Variants in ELAVL4 observed in about 807,000 individuals in gnomAD.
ELAVL4 encodes ELAV like RNA binding protein 4.
ELAVL4 carries 1 observed loss-of-function variant against 35.6 expected under a neutral mutation model. The observed-to-expected ratio is 0.03, with a 90% CI of 0.01 to 0.13. The LOEUF is 0.13. Among genes scored for constraint, ELAVL4 ranks in the 10% least tolerant of loss-of-function variants. The pLI is 1.00. For synonymous variants in ELAVL4, 156 were observed against 171.0 expected, an observed-to-expected ratio of 0.91 and a Z score of 0.69; for missense variants, 267 against 464.9, an observed-to-expected ratio of 0.57 and a Z score of 3.91.
chr1:50,065,877 T>C (rs1664237437), intron 1 of ELAVL4, among the ~76,000 whole-genome samples: 2 of 152,154 alleles, frequency 1.3e-5, no homozygotes, highest in African/African-American at 4.8e-5. Context: ...CTCACTGGAC[T>C]ATCTTCCATG....
intron 1 of ELAVL4, among the ~76,000 whole-genome samples, chr1:50,094,819 A>G (rs1572165467): frequency 6.6e-6 from 1 of 152,190 alleles, no homozygotes; most frequent in East Asian, 1.9e-4. Flanking sequence ...AATCCCAGCT[A>G]CTGGGGAGGC....
chr1:50,170,384 C>G (rs1018937581), intron 2 of ELAVL4, among the ~76,000 whole-genome samples: 1 of 152,166 alleles, frequency 6.6e-6, no homozygotes, highest in African/African-American at 2.4e-5. Flanking sequence ...ATTCTGAGAG[C>G]TTTCCCATCA....
chr1:50,074,481 C>A (rs1163072612), intron 1 of ELAVL4, among the ~76,000 whole-genome samples: 5 of 152,204 alleles, frequency 3.3e-5, no homozygotes, highest in Admixed American at 3.3e-4. Context: ...TTCAGGTCAG[C>A]AACCTTTTGT....
At chr1:50,077,506 T>A (rs573692732) in intron 1 of ELAVL4, among the ~76,000 whole-genome samples, 1 of 152,124 alleles carries the variant, frequency 6.6e-6, no homozygotes, top group Non-Finnish European at 1.5e-5. Flanking sequence ...GGCAAATGAC[T>A]TTTTTCCGTC....
At chr1:50,197,648 C>T in intron 6 of ELAVL4, 181 bp downstream of exon 6, 2 of 525,184 alleles carry the variant, frequency 3.8e-6, no homozygotes, top group Non-Finnish European at 6.4e-6. Context: ...TTTTAGGGCA[C>T]ACAAAATGTA....
chr1:50,056,356 T>C (rs1322366115), intron 1 of ELAVL4, among the ~76,000 whole-genome samples: 1 of 152,174 alleles, frequency 6.6e-6, no homozygotes, highest in African/African-American at 2.4e-5. Context: ...ACCACATAAG[T>C]ACGTTTAGGT....
chr1:50,111,409 A>C (rs1667056618), intron 1 of ELAVL4, among the ~76,000 whole-genome samples: 1 of 152,118 alleles, frequency 6.6e-6, no homozygotes, highest in Non-Finnish European at 1.5e-5. Flanking sequence ...ATTTCTTAGA[A>C]ATTTCCAGCA....
At chr1:50,077,202 G>T (rs925996070) in intron 1 of ELAVL4, among the ~76,000 whole-genome samples, 6 of 152,126 alleles carry the variant, frequency 3.9e-5, no homozygotes, top group Non-Finnish European at 8.8e-5. Flanking sequence ...TTAGGTGTAG[G>T]GGAGACATAT....
chr1:50,193,835 C>A lies in ELAVL4; in HGVS notation c.425C>A (p.Thr142Asn). ...ANLYVSGLPK[T>N]MTQKELEQLF... ...CTCTATGTTAGCGGCCTTCCCAAAA[C>A]CATGACCCAGAAGGAACTGGAGCAA... Residue 142 changes from threonine (T) to asparagine (N), a missense_variant, in exon 4 of 7, where the codon ACC (threonine) becomes AAC (asparagine). Physicochemically the swap from Thr to Asn is moderately conservative, Grantham distance 65. This residue lies in a region of ELAVL4 where 216 missense variants were observed against 409.5 expected (regional missense o/e 0.53). Transcript: ENST00000371824. The A allele has an allele frequency of 6.2e-7, 1 of 1,614,122 alleles. No individual in the cohort carries two copies. The highest frequency in any genetic ancestry group is 8.5e-7 in the Non-Finnish European group (1 of 1,179,992).
chr1:50,127,316 A>G (rs1670104766), intron 1 of ELAVL4, among the ~76,000 whole-genome samples: 1 of 152,084 alleles, frequency 6.6e-6, no homozygotes, highest in Non-Finnish European at 1.5e-5. Flanking sequence ...GTCAGTGGGG[A>G]GACAGGCAGG....
chr1:50,066,687 C>G (rs1339027854), intron 1 of ELAVL4, among the ~76,000 whole-genome samples: 3 of 152,112 alleles, frequency 2.0e-5, no homozygotes, highest in African/African-American at 7.2e-5. Flanking sequence ...TAAGTCCTGT[C>G]TGTATGATTT....
Position 50,203,292 on chromosome 1 carries a change from G to C in ELAVL4, c.*2114G>C, listed in dbSNP as rs919085663. The stretch of plus-strand genomic sequence containing the variant: ...AGGACTGTTGTTTTCACACTGAAAA[G>C]GCAAACTTTGTAGTAGTCGTTGTAG... On this transcript the variant is annotated 3_prime_UTR_variant, in exon 7 of 7. Transcript: ENST00000371824. 6.6e-6 allele frequency: 1 copy of C among 152,122 alleles called. No individual in the cohort carries two copies. Among genetic ancestry groups the C allele is most frequent in the African/African-American group, 2.4e-5 (1 of 41,426 alleles). The allele number at this position is 152,122 out of a possible 1,614,324, so 9.4% of individuals were successfully genotyped here.
chr1:50,109,613 C>A (rs1185847175), intron 1 of ELAVL4: 6 of 412,384 alleles, frequency 1.5e-5, no homozygotes, highest in South Asian at 3.3e-5. Context: ...TCTCAATTTC[C>A]GTGCTGGAAA....
Position 50,115,407 on chromosome 1 carries a change from C to T in ELAVL4, c.9+6209C>T, listed in dbSNP as rs1261082449. 6 of 151,530 alleles carry T rather than the reference C, an allele frequency of 4.0e-5. No individual in the cohort carries two copies. The East Asian group carries it at 9.7e-4, about 24-fold the overall frequency. The allele number at this position is 151,530 out of a possible 1,614,324, so 9.4% of individuals were successfully genotyped here. On this transcript the variant is annotated intron_variant, in intron 1 of 6. Coordinates refer to ENST00000371824, the MANE Select transcript of ELAVL4 (RefSeq NM_001144774.3). ...TATTTTTAACCCCAAAAGTAAAATG[C>T]AAAACTAGCATATGGGATTTTTTTA...
chr1:50,152,468 G>C (rs996696207), intron 2 of ELAVL4, among the ~76,000 whole-genome samples: 1 of 151,888 alleles, frequency 6.6e-6, no homozygotes, highest in African/African-American at 2.4e-5. Context: ...CTTCTCTGTA[G>C]AATGCCCTGG....
intron 1 of ELAVL4, among the ~76,000 whole-genome samples, chr1:50,084,288 G>T (rs1450002431): frequency 1.3e-5 from 2 of 152,076 alleles, no homozygotes; most frequent in African/African-American, 2.4e-5. Flanking sequence ...TGTAGGGTAG[G>T]TGACATAATT....
At chr1:50,084,901 T>C (rs1665170914) in intron 1 of ELAVL4, among the ~76,000 whole-genome samples, 1 of 152,210 alleles carries the variant, frequency 6.6e-6, no homozygotes, top group South Asian at 2.1e-4. Flanking sequence ...TTTATTGTGT[T>C]ATTGTATCAC....
At chr1:50,098,164 A>G (rs137973284) in intron 1 of ELAVL4, among the ~76,000 whole-genome samples, 4 of 152,358 alleles carry the variant, frequency 2.6e-5, no homozygotes, top group African/African-American at 9.6e-5. Context: ...TGATTATCCC[A>G]CTGTCCATTT....
chr1:50,174,797 A>G (rs1679699232), intron 2 of ELAVL4: 1 of 152,136 alleles, frequency 6.6e-6, no homozygotes, highest in Non-Finnish European at 1.5e-5. Flanking sequence ...TTTATTTTAG[A>G]TTTTCATCAA....
Sources: allele counts gnomAD v4.1 joint callset (sites outside exome capture counted in the v4.1 genomes callset), GRCh38; gene constraint gnomAD v4.1.1; regional missense constraint gnomAD v4.1.1; transcripts MANE v1.5; gene names NCBI Gene and HGNC (gene_info 2026-07-23, HGNC 2026-07-21).